The following CRTAC1 variants were observed in gnomAD, a reference collection of about 807,000 sequenced individuals.
CRTAC1 encodes cartilage acidic protein 1.
CRTAC1 carries 37 observed loss-of-function variants against 67.8 expected under a neutral mutation model. The ratio of observed to expected loss-of-function variants is 0.55; its 90% CI spans 0.42 to 0.72. The LOEUF is 0.72. Among genes scored for constraint, CRTAC1 ranks in the 30% least tolerant of loss-of-function variants. The pLI is 0.00. For missense variants in CRTAC1, 780 were observed against 931.6 expected (o/e 0.84, Z 2.12); for synonymous variants, 348 against 371.0 (o/e 0.94, Z 0.71).
At chr10:97,928,611 G>C (rs1253258823) in intron 3 of CRTAC1, among the ~76,000 whole-genome samples, 1 of 152,222 alleles carries the variant, frequency 6.6e-6, no homozygotes, top group East Asian at 1.9e-4. Flanking sequence ...GAGCCCAGCA[G>C]GGCAGAACCA....
chr10:97,972,415 C>T (rs2051730320), intron 2 of CRTAC1, among the ~76,000 whole-genome samples: 1 of 152,138 alleles, frequency 6.6e-6, no homozygotes, highest in African/African-American at 2.4e-5. Context: ...AAGCAGGGAG[C>T]CCGGTCTGCC....
chr10:97,894,735 T>TC (rs1218612457), intron 11 of CRTAC1, among the ~76,000 whole-genome samples: 1 of 35,742 alleles, frequency 2.8e-5, no homozygotes, highest in East Asian at 7.4e-4. Context: ...TATATATATA[T>TC]ATATATATAT....
At chr10:97,939,168 G>A (rs758559437) in intron 2 of CRTAC1, among the ~76,000 whole-genome samples, 4 of 152,194 alleles carry the variant, frequency 2.6e-5, no homozygotes, top group African/African-American at 4.8e-5. Flanking sequence ...CAAGGGAGAG[G>A]TGAGGGATCA....
intron 2 of CRTAC1, among the ~76,000 whole-genome samples, chr10:97,969,707 A>G (rs977254198): frequency 2.0e-5 from 3 of 152,028 alleles, no homozygotes; most frequent in African/African-American, 7.3e-5. Flanking sequence ...CACAGATCTG[A>G]TCATGCCTTA....
At chr10:97,910,547 G>T (rs1290905236) in intron 5 of CRTAC1, among the ~76,000 whole-genome samples, 1 of 152,158 alleles carries the variant, frequency 6.6e-6, no homozygotes, top group African/African-American at 2.4e-5. Flanking sequence ...CACTCCAGAA[G>T]AACTTGATTT....
At chr10:97,997,451 C>CAAA (rs746635057) in intron 2 of CRTAC1, among the ~76,000 whole-genome samples, 6 of 48,204 alleles carry the variant, frequency 1.2e-4, no homozygotes, top group African/African-American at 3.1e-4. Flanking sequence ...GACTCTGTCT[C>CAAA]AAAAAAAAAA....
At chr10:98,002,739 T>C (rs1842713201) in intron 2 of CRTAC1, among the ~76,000 whole-genome samples, 1 of 149,474 alleles carries the variant, frequency 6.7e-6, no homozygotes. Flanking sequence ...AGTATGCTTT[T>C]AGGAATTCTT....
intron 2 of CRTAC1, among the ~76,000 whole-genome samples, chr10:97,937,861 T>C (rs894556833): frequency 6.6e-6 from 1 of 152,208 alleles, no homozygotes; most frequent in Non-Finnish European, 1.5e-5. Context: ...TGTTTCAGCC[T>C]GAATGTGCAC....
intron 2 of CRTAC1, among the ~76,000 whole-genome samples, chr10:97,948,709 C>G (rs1163191568): frequency 6.6e-6 from 1 of 152,112 alleles, no homozygotes; most frequent in Non-Finnish European, 1.5e-5. Context: ...ACAGTAATAT[C>G]CTGTATTAGT....
chr10:98,024,738 A>ATATTATCC (rs1843189902), intron 1 of CRTAC1, among the ~76,000 whole-genome samples: 3 of 111,974 alleles, frequency 2.7e-5, no homozygotes, highest in African/African-American at 6.6e-5. Context: ...GAGAATGATT[A>ATATTATCC]TATTATCCTT....
Position 97,888,531 on chromosome 10 carries a change from GT to G in CRTAC1, c.1487-4181del, listed in dbSNP as rs1360054502. 3.4e-3 allele frequency among the ~76,000 whole-genome samples: 525 copies of G among 152,314 alleles called. 4 individuals carry two copies. The highest frequency in any genetic ancestry group is 0.011 in the African/African-American group (477 of 41,568). ...GCTTCAGAGGCTTCACACTTACGAG[GT>G]GGGTATTTATCCCCATTCTCCAGAT... On this transcript the variant is annotated intron_variant, in intron 11 of 14. Coordinates refer to ENST00000370597, the MANE Select transcript of CRTAC1 (RefSeq NM_018058.7).
chr10:97,889,666 GCTGT>G (rs1237286246), intron 11 of CRTAC1, among the ~76,000 whole-genome samples: 4 of 152,134 alleles, frequency 2.6e-5, no homozygotes, highest in African/African-American at 7.2e-5. Context: ...CAAGGCTGAG[GCTGT>G]CTGAGAGATG....
At chr10:97,939,873 T>C (rs1168221113) in intron 2 of CRTAC1, among the ~76,000 whole-genome samples, 1 of 152,132 alleles carries the variant, frequency 6.6e-6, no homozygotes, top group African/African-American at 2.4e-5. Context: ...CCACAGCATT[T>C]TGCACCTCGC....
intron 5 of CRTAC1, among the ~76,000 whole-genome samples, chr10:97,912,935 C>T (rs983545133): frequency 1.8e-4 from 28 of 152,196 alleles, no homozygotes; most frequent in African/African-American, 6.5e-4. Context: ...AGCCCTGCAC[C>T]CTCTGCATCA....
chr10:97,874,169 G>A (rs577288784), intron 14 of CRTAC1, among the ~76,000 whole-genome samples: 67 of 152,306 alleles, frequency 4.4e-4, no homozygotes, highest in Admixed American at 1.8e-3. Flanking sequence ...AGATGCCTTG[G>A]GAAAGTTGCA....
intron 2 of CRTAC1, among the ~76,000 whole-genome samples, chr10:97,945,402 A>C (rs190377378): frequency 1.3e-5 from 2 of 152,214 alleles, no homozygotes; most frequent in African/African-American, 4.8e-5. Context: ...TTGAGAATAG[A>C]TCATTTCTTT....
chr10:97,976,135 T>C (rs928440012), intron 2 of CRTAC1, among the ~76,000 whole-genome samples: 3 of 152,158 alleles, frequency 2.0e-5, no homozygotes, highest in Admixed American at 2.0e-4. Context: ...ATCCAGACCT[T>C]CACTGATTAT....
intron 2 of CRTAC1, among the ~76,000 whole-genome samples, chr10:97,967,949 T>C (rs2051645678): frequency 6.6e-6 from 1 of 152,198 alleles, no homozygotes; most frequent in South Asian, 2.1e-4. Context: ...GTCTTCCGTC[T>C]TTCAGGAGTC....
chr10:98,019,172 G>A (rs762983693), intron 1 of CRTAC1, among the ~76,000 whole-genome samples: 2 of 152,164 alleles, frequency 1.3e-5, no homozygotes, highest in Non-Finnish European at 2.9e-5. Context: ...GGAGGAGCAG[G>A]AAGGAAAGCA....
Sources: gnomAD v4.1 joint callset for allele counts (sites outside exome capture counted in the v4.1 genomes callset) on GRCh38, gnomAD v4.1.1 for gene constraint, MANE v1.5 for transcripts, NCBI Gene and HGNC (gene_info 2026-07-23, HGNC 2026-07-21) for gene names.